Variants in SELP observed in about 807,000 individuals in gnomAD.
SELP encodes selectin P, also known as P-selectin.
A neutral mutation model predicts 104.1 loss-of-function variants in SELP; 92 were observed. That is an observed-to-expected ratio of 0.88 (90% CI 0.75 to 1.05). SELP has a LOEUF of 1.05. Among genes scored for constraint, SELP ranks in the 50% least tolerant of loss-of-function variants. The pLI is 0.00. For missense variants in SELP, 1,022 were observed against 1,017.3 expected, an observed-to-expected ratio of 1.00 and a Z score of -0.06; for synonymous variants, 397 against 364.5, an observed-to-expected ratio of 1.09 and a Z score of -1.01.
At chr1:169,594,588 C>T (rs1002281710) in intron 13 of SELP, 104 bp downstream of exon 13, 25 of 1,118,560 alleles carry the variant, frequency 2.2e-5, no homozygotes, top group African/African-American at 1.9e-4. Flanking sequence ...GGGGGAAACC[C>T]GGGGATGGAA....
chr1:169,620,676 C>T (rs960792903), intron 1 of SELP, among the ~76,000 whole-genome samples: 1 of 151,510 alleles, frequency 6.6e-6, no homozygotes, highest in South Asian at 2.1e-4. Flanking sequence ...TGTGTGTGTT[C>T]GTGTGTCATG....
In SELP at chr1:169,612,222, C is replaced by T. The variant is rs762528562; in HGVS notation, c.956G>A (p.Cys319Tyr). 9 of 1,613,672 alleles carry T rather than the reference C, an allele frequency of 5.6e-6. No homozygotes were observed. Among genetic ancestry groups the T allele is most frequent in the East Asian group, 2.2e-5 (1 of 44,896 alleles). Residue 319 changes from cysteine (C) to tyrosine (Y), a missense_variant, in exon 6 of 17, where the codon TGT becomes TAT. Physicochemically the swap from Cys to Tyr is radical, Grantham distance 194 (BLOSUM62 -2). Transcript: ENST00000263686. ...CCCAACTACCTGAAACTCACCTTTA[C>T]ACACTGGGGCTGGGGCTGTCCATAC... ...SGVWTAPAPV[C>Y]KAVQCQHLEA...
intron 1 of SELP, among the ~76,000 whole-genome samples, chr1:169,629,228 T>C (rs1445043915): frequency 6.6e-6 from 1 of 152,160 alleles, no homozygotes; most frequent in Non-Finnish European, 1.5e-5. Context: ...AGAAGTAGCC[T>C]AACCACGTGC....
rs373776425 is a variant in SELP at position 169,612,743 on chromosome 1, T to TA, written c.775+185dup. On this transcript the variant is annotated intron_variant, in intron 5 of 16. Transcript: ENST00000263686. Reference sequence around the variant, plus strand: ...TAAACTGACTAAGTCACTCTACCCATAAAAAAATACCATGAAAATTGAAAT... The same window carrying TA: ...TAAACTGACTAAGTCACTCTACCCATAAAAAAAATACCATGAAAATTGAAAT... Among the ~76,000 whole-genome samples, 866 of 152,186 alleles carry TA rather than the reference T, an allele frequency of 5.7e-3. 5 individuals are homozygous for TA. Among genetic ancestry groups the TA allele is most frequent in the African/African-American group, 0.02 (836 of 41,520 alleles).
intron 10 of SELP, among the ~76,000 whole-genome samples, 186 bp downstream of exon 10, chr1:169,602,840 G>A (rs1661973305): frequency 6.6e-6 from 1 of 152,134 alleles, no homozygotes; most frequent in South Asian, 2.1e-4. Context: ...TTGAAACTGT[G>A]GAATATTTAA....
chr1:169,627,666 T>C (rs1663438519), intron 1 of SELP, among the ~76,000 whole-genome samples: 2 of 152,242 alleles, frequency 1.3e-5, no homozygotes, highest in African/African-American at 4.8e-5. Flanking sequence ...CAGTTTTTTA[T>C]GTAGTAAGTC....
chr1:169,608,994 G>A (rs113402011), intron 8 of SELP, among the ~76,000 whole-genome samples: 80 of 152,222 alleles, frequency 5.3e-4, no homozygotes, highest in Middle Eastern at 6.8e-3. Flanking sequence ...AAGGTAACAT[G>A]TCATCATCAT....
At chr1:169,595,227 G>A (rs1661545351) in intron 12 of SELP, among the ~76,000 whole-genome samples, 1 of 152,110 alleles carries the variant, frequency 6.6e-6, no homozygotes, top group African/African-American at 2.4e-5. Flanking sequence ...GTGATCAACT[G>A]GCATGTCAGT....
chr1:169,621,609 G>A (rs1663141265), intron 1 of SELP, among the ~76,000 whole-genome samples: 1 of 152,144 alleles, frequency 6.6e-6, no homozygotes, highest in African/African-American at 2.4e-5. Flanking sequence ...AGATACCAGG[G>A]AGAACTCAAC....
chr1:169,597,185 T>G lies in SELP; in HGVS notation c.1706-9A>C. 6.3e-7 allele frequency: 1 copy of G among 1,578,186 alleles called. No homozygotes were observed. Among genetic ancestry groups the G allele is most frequent in the Non-Finnish European group, 8.6e-7 (1 of 1,160,132 alleles). ...TTCTGGGCACTTGATGGCTAGAGTATCAAATTAAGAGTGTCACAATCTCCA... is the reference window on the plus strand; with the variant it reads ...TTCTGGGCACTTGATGGCTAGAGTAGCAAATTAAGAGTGTCACAATCTCCA... On this transcript the variant is annotated splice_polypyrimidine_tract_variant and intron_variant, in intron 10 of 16. Transcript: ENST00000263686.
rs1316110107 is a variant in SELP, at chr1:169,595,931, A to C, written c.2095T>G (p.Cys699Gly). The C allele has an allele frequency of 2.5e-6, 4 of 1,613,334 alleles. No homozygotes were observed. The African/African-American group carries it at 4.0e-5, about 16-fold the overall frequency. ...CTGCTCCTTTTCACCTTACCTCTGC[A>C]TGCTGGAGTTACTGCTGTCCATTGT... is the stretch of plus-strand genomic sequence containing the variant. ...SGQWTAVTPACRAVKCSELHV... is the reference protein window; with the variant it reads ...SGQWTAVTPAGRAVKCSELHV... Residue 699 changes from cysteine (C) to glycine (G), a missense_variant, in exon 12 of 17, where the codon TGC becomes GGC. Coordinates refer to ENST00000263686, the MANE Select transcript of SELP (RefSeq NM_003005.4).
At chr1:169,613,806 A>C (rs1662673427) in intron 3 of SELP, 113 bp from the exon 4 acceptor site, 1 of 815,106 alleles carries the variant, frequency 1.2e-6, no homozygotes, top group Non-Finnish European at 2.1e-6. Flanking sequence ...AGCTAGCCAG[A>C]CAAGAGGGAA....
At chr1:169,605,167 A>G (rs895194524) in intron 9 of SELP, among the ~76,000 whole-genome samples, 5 of 152,220 alleles carry the variant, frequency 3.3e-5, no homozygotes, top group African/African-American at 9.6e-5. Flanking sequence ...AAGAGTTTCA[A>G]TCACTGTGAT....
intron 10 of SELP, among the ~76,000 whole-genome samples, chr1:169,599,948 A>G (rs1661816919): frequency 6.6e-6 from 1 of 152,224 alleles, no homozygotes. Context: ...CAGAGGATCA[A>G]TGACAGACAG....
chr1:169,596,915 A>G (rs1661643498), intron 11 of SELP, 76 bp downstream of exon 11: 19 of 1,311,230 alleles, frequency 1.4e-5, no homozygotes, highest in African/African-American at 4.6e-5. Context: ...GTTCACATAT[A>G]AGAACTAGAT....
At chr1:169,621,132 G>T in intron 1 of SELP, among the ~76,000 whole-genome samples, 1 of 116,108 alleles carries the variant, frequency 8.6e-6, no homozygotes, top group Non-Finnish European at 1.8e-5. Context: ...ACACCCCAGT[G>T]ATGAGATGTA....
At position 169,609,552 on chromosome 1, in the gene SELP, G is replaced by T. The variant is rs761957913; in HGVS notation, c.1285C>A (p.Arg429=). 5.0e-6 allele frequency: 8 copies of T among 1,613,986 alleles called. No homozygotes were observed. The highest frequency in any genetic ancestry group is 1.7e-5 in the Admixed American group (1 of 60,004). Residue 429 remains arginine, a synonymous_variant, in exon 8 of 17, where the codon CGG becomes AGG. Coordinates refer to ENST00000263686, the MANE Select transcript of SELP (RefSeq NM_003005.4). ...GFMLRGADIV[R]CDNLGQWTAP... Reference sequence around the variant, plus strand: ...GTCCACTGTCCCAAGTTATCACACCGAACTATATCGGCTCCTCTCAGCATG... The same window carrying T: ...GTCCACTGTCCCAAGTTATCACACCTAACTATATCGGCTCCTCTCAGCATG...
intron 3 of SELP, among the ~76,000 whole-genome samples, chr1:169,614,197 G>A (rs1662697579): frequency 6.6e-6 from 1 of 152,178 alleles, no homozygotes; most frequent in Admixed American, 6.5e-5. Context: ...CACAGTGTTA[G>A]AGCCCAAACC....
chr1:169,624,927 A>G (rs1032339178), intron 1 of SELP, among the ~76,000 whole-genome samples: 2 of 152,344 alleles, frequency 1.3e-5, no homozygotes, highest in Middle Eastern at 3.4e-3. Context: ...ATAGTGCCAC[A>G]GAAAGGAGAT....
Sources: allele counts gnomAD v4.1 joint callset (sites outside exome capture counted in the v4.1 genomes callset), GRCh38; gene constraint gnomAD v4.1.1; transcripts MANE v1.5; gene names NCBI Gene and HGNC (gene_info 2026-07-23, HGNC 2026-07-21).